Variants in RASSF6 observed in about 807,000 individuals in gnomAD.
RASSF6 encodes ras association domain-containing protein 6.
A neutral mutation model predicts 44.0 loss-of-function variants in RASSF6; 52 were observed. The observed-to-expected ratio is 1.18, with a 90% CI of 0.95 to 1.49. RASSF6 has a LOEUF of 1.49. Ranked by LOEUF, RASSF6 falls within the 40% of genes most tolerant of loss-of-function variation. The probability of loss-of-function intolerance (pLI) is 0.00; values close to 1 mark genes in which losing one functional copy is unlikely to be tolerated. For synonymous variants in RASSF6, 162 were observed against 124.6 expected (o/e 1.30, Z -2.00); for missense variants, 464 against 393.3 (o/e 1.18, Z -1.52).
rs1013941160 is a variant in RASSF6, at chr4:73,571,969, A to G, written c.*4266T>C. On this transcript the variant is annotated 3_prime_UTR_variant, in exon 11 of 11. Transcript: ENST00000307439. ...TATGAGCTATACATTGCTATGTAAC[A>G]AATTGCCCCAAATTTAGCGGCGTAC... 6.6e-6 allele frequency: 1 copy of G among 152,160 alleles called. No homozygotes were observed. Among genetic ancestry groups the G allele is most frequent in the African/African-American group, 2.4e-5 (1 of 41,416 alleles). The allele number at this position is 152,160 out of a possible 1,614,324, so 9.4% of individuals were successfully genotyped here.
chr4:73,615,921 G>GGACA (rs1196637408), intron 1 of RASSF6: 6 of 1,550,178 alleles, frequency 3.9e-6, no homozygotes, highest in Non-Finnish European at 5.2e-6. Flanking sequence ...TGAGGCCAGA[G>GGACA]GACAGGAAGT....
At chr4:73,618,887 A>C (rs957796586) in intron 1 of RASSF6, among the ~76,000 whole-genome samples, 3 of 152,230 alleles carry the variant, frequency 2.0e-5, no homozygotes, top group Non-Finnish European at 2.9e-5. Flanking sequence ...CCCCTCAAGA[A>C]AATTAGCAAC....
At chr4:73,602,075 T>C (rs956115963) in intron 2 of RASSF6, among the ~76,000 whole-genome samples, 1 of 152,204 alleles carries the variant, frequency 6.6e-6, no homozygotes, top group African/African-American at 2.4e-5. Context: ...AAAAGGGACA[T>C]GTAGCTATTT....
chr4:73,610,552 C>T (rs1287503896), intron 2 of RASSF6, among the ~76,000 whole-genome samples: 1 of 152,206 alleles, frequency 6.6e-6, no homozygotes, highest in African/African-American at 2.4e-5. Flanking sequence ...TCCATTTCCC[C>T]ACACTGTTCT....
At position 73,576,513 on chromosome 4, in the gene RASSF6, AAAGAAG is replaced by A. The variant is rs772145551; in HGVS notation, c.841-12_841-7del. 51 of 1,561,486 alleles carry A rather than the reference AAAGAAG, an allele frequency of 3.3e-5. No individual in the cohort carries two copies. The highest frequency in any genetic ancestry group is 4.1e-5 in the African/African-American group (3 of 72,542). On this transcript the variant is annotated splice_region_variant and splice_polypyrimidine_tract_variant and intron_variant, in intron 9 of 10. Coordinates refer to ENST00000307439, the MANE Select transcript of RASSF6 (RefSeq NM_177532.5). ...AAGTTAATGTACTGAGCCACCTAAG[AAAGAAG>A]AAGAAGAAAAAAAAAAGAAAGCAGA... is the stretch of plus-strand genomic sequence containing the variant.
At chr4:73,580,042 TC>T (rs1187913716) in intron 8 of RASSF6, among the ~76,000 whole-genome samples, 4 of 111,114 alleles carry the variant, frequency 3.6e-5, no homozygotes, top group African/African-American at 1.4e-4. Flanking sequence ...CCCACAACAG[TC>T]CCCAGAGTGT....
rs1387546192 is a variant in RASSF6, at chr4:73,571,950, C to T, written c.*4285G>A. 6.6e-6 allele frequency: 1 copy of T among 152,140 alleles called. No homozygotes were observed. The highest frequency in any genetic ancestry group is 1.9e-4 in the East Asian group (1 of 5,202). 9.4% of individuals were successfully genotyped at this position (152,140 alleles called of 1,614,324 possible). A position where few individuals can be genotyped will look rare whatever the true frequency, so the allele number is the denominator to read the frequency against. ...ATTTTTTTCCCAGAAATTGTATGAG[C>T]TATACATTGCTATGTAACAAATTGC... On this transcript the variant is annotated 3_prime_UTR_variant, in exon 11 of 11. Transcript: ENST00000307439.
chr4:73,582,266 CA>C lies in RASSF6; in HGVS notation c.591del (p.Phe197LeufsTer9). The C allele has an allele frequency of 6.3e-7, 1 of 1,590,640 alleles. No homozygotes were observed. Among genetic ancestry groups the C allele is most frequent in the Non-Finnish European group, 8.6e-7 (1 of 1,164,492 alleles). ...NHETSIFIPA[F>X]ESETKVRVNS... The stretch of plus-strand genomic sequence containing the variant: ...TTTACTCTGACCTTAGTTTCTGATT[CA>C]AAGGCTGGAATGAAAATTGATGTCT... On this transcript the variant is annotated frameshift_variant, in exon 7 of 11. Transcript: ENST00000307439. LOFTEE classifies it high-confidence loss of function.
At chr4:73,603,604 T>C (rs1464378850) in intron 2 of RASSF6, among the ~76,000 whole-genome samples, 1 of 152,226 alleles carries the variant, frequency 6.6e-6, no homozygotes, top group Admixed American at 6.5e-5. Context: ...CTTTGTACTT[T>C]GTGGCCTGAA....
rs59463389 is a variant in RASSF6, at chr4:73,615,178, C to CAAAAAA, written c.-34-3355_-34-3350dup. On this transcript the variant is annotated intron_variant, in intron 1 of 10. Coordinates refer to ENST00000307439, the MANE Select transcript of RASSF6 (RefSeq NM_177532.5). Reference sequence around the variant, plus strand: ...TGGGTGATAGAGTGTGACTCTGTCTCAAAAAAAAAAAAAAAAAAAGAGCAA... The same window carrying CAAAAAA: ...TGGGTGATAGAGTGTGACTCTGTCTCAAAAAAAAAAAAAAAAAAAAAAAAAGAGCAA... 4.3e-3 allele frequency among the ~76,000 whole-genome samples: 323 copies of CAAAAAA among 75,598 alleles called. 5 individuals are homozygous for CAAAAAA. The highest frequency in any genetic ancestry group is 0.027 in the Middle Eastern group (3 of 112). The allele number at this position is 75,598 out of a possible 152,430, so 49.6% of individuals were successfully genotyped here. A position where few individuals can be genotyped will look rare whatever the true frequency, so the allele number is the denominator to read the frequency against.
intron 3 of RASSF6, among the ~76,000 whole-genome samples, chr4:73,597,782 T>C (rs1280743785): frequency 6.6e-6 from 1 of 152,220 alleles, no homozygotes; most frequent in Non-Finnish European, 1.5e-5. Flanking sequence ...CATGGAATAC[T>C]ATGCAGCCAT....
chr4:73,585,089 G>A (rs1248837756), intron 6 of RASSF6, 91 bp downstream of exon 6: 2 of 854,866 alleles, frequency 2.3e-6, no homozygotes, highest in Non-Finnish European at 3.6e-6. Context: ...TTATTATTAT[G>A]ACTTTAAATT....
intron 2 of RASSF6, among the ~76,000 whole-genome samples, chr4:73,604,976 A>G (rs1480194626): frequency 1.4e-5 from 2 of 146,278 alleles, no homozygotes; most frequent in Non-Finnish European, 3.0e-5. Context: ...TGCAACCTCC[A>G]CCTCCTGGGT....
intron 2 of RASSF6, among the ~76,000 whole-genome samples, chr4:73,599,014 T>C (rs1416585334): frequency 6.6e-6 from 1 of 152,174 alleles, no homozygotes; most frequent in African/African-American, 2.4e-5. Flanking sequence ...TTTGGTTTCA[T>C]ATTCCTTTTT....
rs1163975179 is a variant in RASSF6, at chr4:73,576,509, TAA to T, written c.841-4_841-3del. The T allele has an allele frequency of 6.4e-7, 1 of 1,562,936 alleles. No homozygotes were observed. The highest frequency in any genetic ancestry group is 8.7e-7 in the Non-Finnish European group (1 of 1,152,850). On this transcript the variant is annotated splice_region_variant and splice_polypyrimidine_tract_variant and intron_variant, in intron 9 of 10. Transcript: ENST00000307439. ...GTGAAAGTTAATGTACTGAGCCACC[TAA>T]GAAAGAAGAAGAAGAAAAAAAAAAG...
At chr4:73,610,415 C>T (rs1282187839) in intron 2 of RASSF6, among the ~76,000 whole-genome samples, 1 of 152,218 alleles carries the variant, frequency 6.6e-6, no homozygotes, top group Non-Finnish European at 1.5e-5. Context: ...GATATTGCCA[C>T]TCATGTGCTC....
chr4:73,583,627 G>GT (rs1371718535), intron 6 of RASSF6, among the ~76,000 whole-genome samples: 1 of 152,044 alleles, frequency 6.6e-6, no homozygotes, highest in Non-Finnish European at 1.5e-5. Flanking sequence ...AGAATGCTTT[G>GT]TTTTTTCTTT....
chr4:73,602,026 G>T (rs545058422), intron 2 of RASSF6, among the ~76,000 whole-genome samples: 47 of 152,252 alleles, frequency 3.1e-4, no homozygotes, highest in African/African-American at 1.1e-3. Flanking sequence ...AACAGGAAAA[G>T]AAGAATGTAA....
chr4:73,616,473 G>C (rs1726373000), intron 1 of RASSF6, among the ~76,000 whole-genome samples: 1 of 152,076 alleles, frequency 6.6e-6, no homozygotes, highest in Non-Finnish European at 1.5e-5. Context: ...TCTAAAGTGA[G>C]TGAATATATG....
Sources: allele counts gnomAD v4.1 joint callset (sites outside exome capture counted in the v4.1 genomes callset), GRCh38; gene constraint gnomAD v4.1.1; transcripts MANE v1.5; gene names NCBI Gene and HGNC (gene_info 2026-07-23, HGNC 2026-07-21).